Variants in NELL2 observed in about 807,000 individuals in gnomAD.
The protein encoded by NELL2 is neural EGFL like 2.
A neutral mutation model predicts 109.6 loss-of-function variants in NELL2; 41 were observed. The ratio of observed to expected loss-of-function variants is 0.37; its 90% confidence interval spans 0.29 to 0.49. NELL2 has a LOEUF of 0.49. NELL2 is among the 20% of genes least tolerant of loss of function. The pLI, the probability that NELL2 is intolerant of heterozygous loss-of-function variation, is 0.98. For synonymous variants in NELL2, 355 were observed against 344.7 expected (o/e 1.03, Z -0.33); for missense variants, 900 against 1,008.3 (o/e 0.89, Z 1.45).
chr12:44,554,483 G>A (rs1189442961), intron 15 of NELL2, among the ~76,000 whole-genome samples: 1 of 152,106 alleles, frequency 6.6e-6, no homozygotes, highest in Non-Finnish European at 1.5e-5. Flanking sequence ...CTTGCAGAGG[G>A]ATACCATGAA....
chr12:44,547,039 T>C (rs1192431577), intron 15 of NELL2, among the ~76,000 whole-genome samples: 1 of 152,144 alleles, frequency 6.6e-6, no homozygotes, highest in East Asian at 1.9e-4. Context: ...TATATGGTGA[T>C]AGGAGACATG....
At chr12:44,600,076 C>CT (rs2136237242) in intron 15 of NELL2, among the ~76,000 whole-genome samples, 1 of 151,298 alleles carries the variant, frequency 6.6e-6, no homozygotes, top group East Asian at 1.9e-4. Context: ...ATTCTCCTGC[C>CT]TCAGCCTCCC....
At chr12:44,614,113 T>C (rs1592208746) in intron 13 of NELL2, among the ~76,000 whole-genome samples, 1 of 152,048 alleles carries the variant, frequency 6.6e-6, no homozygotes, top group East Asian at 1.9e-4. Flanking sequence ...ATGTTTGGAA[T>C]ATCCAATCTA....
rs11182626 is a variant in NELL2 at position 44,741,059 on chromosome 12, A to G, written c.995-26318T>C. 1.3e-3 allele frequency among the ~76,000 whole-genome samples: 204 copies of G among 152,144 alleles called. 4 individuals carry two copies. The East Asian group carries it at 0.03, about 23-fold the overall frequency. The stretch of plus-strand genomic sequence containing the variant: ...ACTATACAGGTCCCCTTATTCATGG[A>G]TTTTCGTTCCATTCTGCAACCCCTG... On this transcript the variant is annotated intron_variant, in intron 9 of 19. Coordinates refer to ENST00000429094, the MANE Select transcript of NELL2 (RefSeq NM_001145108.2).
At position 44,913,168 on chromosome 12, in the gene NELL2, A is replaced by T. The variant is rs553572906; in HGVS notation, c.38+631T>A. On this transcript the variant is annotated intron_variant, in intron 1 of 20. Transcript: ENST00000333837. ...TTACTCTGGGAAATTTTTGTAATAA[A>T]TCAGTAGCCTGTTTAGATATAGGTG... 1.2e-4 allele frequency among the ~76,000 whole-genome samples: 19 copies of T among 152,284 alleles called. No homozygotes were observed. In the East Asian group the frequency reaches 1.4e-3, roughly 11 times the overall value.
At chr12:44,525,200 T>C (rs1941711322) in intron 16 of NELL2, among the ~76,000 whole-genome samples, 3 of 152,198 alleles carry the variant, frequency 2.0e-5, no homozygotes, top group Admixed American at 2.0e-4. Context: ...CACTTTAAAA[T>C]AAAAGCTGTG....
chr12:44,615,040 A>C (rs1039222200), intron 13 of NELL2, among the ~76,000 whole-genome samples: 5 of 152,106 alleles, frequency 3.3e-5, no homozygotes, highest in Admixed American at 3.3e-4. Context: ...AAGCCTTCAA[A>C]AAGCTTACAG....
At chr12:44,634,567 T>C (rs1337495759) in intron 13 of NELL2, among the ~76,000 whole-genome samples, 1 of 152,170 alleles carries the variant, frequency 6.6e-6, no homozygotes, top group East Asian at 1.9e-4. Context: ...TTATCCAGTC[T>C]ATCATTGATG....
intron 15 of NELL2, among the ~76,000 whole-genome samples, chr12:44,602,441 A>G (rs1056466828): frequency 6.6e-6 from 1 of 152,250 alleles, no homozygotes; most frequent in Non-Finnish European, 1.5e-5. Flanking sequence ...TCTTTATTAC[A>G]GTAAAGTATA....
chr12:44,701,434 A>T (rs1452089536), intron 12 of NELL2, among the ~76,000 whole-genome samples: 1 of 152,106 alleles, frequency 6.6e-6, no homozygotes. Flanking sequence ...TGTGCCACAG[A>T]TTTTATCCAG....
chr12:44,628,327 G>C (rs1946337971), intron 13 of NELL2, among the ~76,000 whole-genome samples: 1 of 152,236 alleles, frequency 6.6e-6, no homozygotes, highest in Non-Finnish European at 1.5e-5. Context: ...TTATCCAGTG[G>C]TTGCTGAAGA....
intron 15 of NELL2, among the ~76,000 whole-genome samples, chr12:44,541,004 G>A (rs1942535444): frequency 1.3e-5 from 2 of 151,676 alleles, no homozygotes; most frequent in Admixed American, 1.3e-4. Context: ...CCAACGCTTT[G>A]GGAGGCTGAG....
chr12:44,631,101 C>T (rs1313311139), intron 13 of NELL2, among the ~76,000 whole-genome samples: 8 of 151,882 alleles, frequency 5.3e-5, no homozygotes, highest in African/African-American at 1.7e-4. Flanking sequence ...ATTATACTGG[C>T]TTCTTTTGAT....
intron 12 of NELL2, among the ~76,000 whole-genome samples, chr12:44,675,756 G>C (rs961815590): frequency 6.6e-6 from 1 of 152,240 alleles, no homozygotes; most frequent in Middle Eastern, 3.4e-3. Flanking sequence ...AAATGGGAAA[G>C]GTTTTAAGAG....
chr12:44,671,847 A>G (rs1227143164), intron 12 of NELL2, among the ~76,000 whole-genome samples: 1 of 152,236 alleles, frequency 6.6e-6, no homozygotes, highest in Non-Finnish European at 1.5e-5. Flanking sequence ...TCTGAAAGCC[A>G]TAGTAGGAGT....
At chr12:44,871,867 T>C (rs1341990343) in intron 2 of NELL2, among the ~76,000 whole-genome samples, 2 of 152,226 alleles carry the variant, frequency 1.3e-5, no homozygotes, top group Non-Finnish European at 2.9e-5. Flanking sequence ...CATGCTTTGA[T>C]TTTATCCACT....
intron 13 of NELL2, among the ~76,000 whole-genome samples, chr12:44,634,017 A>C (rs774605118): frequency 2.0e-5 from 3 of 152,166 alleles, no homozygotes; most frequent in Non-Finnish European, 4.4e-5. Flanking sequence ...CATTTTTTAT[A>C]TGTAACTGAC....
intron 12 of NELL2, among the ~76,000 whole-genome samples, chr12:44,671,646 A>T (rs929161067): frequency 6.6e-6 from 1 of 152,230 alleles, no homozygotes; most frequent in Admixed American, 6.5e-5. Context: ...GCTGCATGTT[A>T]ATAAATTTAA....
chr12:44,915,076 C>T (rs1053106402), upstream of NELL2, among the ~76,000 whole-genome samples: 1 of 152,104 alleles, frequency 6.6e-6, no homozygotes, highest in Non-Finnish European at 1.5e-5. Context: ...TTGTCTCAAT[C>T]TCCTGACCTC....
Sources: allele counts gnomAD v4.1 joint callset (sites outside exome capture counted in the v4.1 genomes callset), GRCh38; gene constraint gnomAD v4.1.1; transcripts MANE v1.5; gene names NCBI Gene and HGNC (gene_info 2026-07-23, HGNC 2026-07-21).